CAMK2D: variants seen among roughly 807,000 people sequenced by gnomAD.
CAMK2D encodes calcium/calmodulin-dependent protein kinase type II subunit delta.
CAMK2D carries 37 observed loss-of-function variants against 84.0 expected under a neutral mutation model. That is an observed-to-expected ratio of 0.44 (90% confidence interval 0.34 to 0.58). CAMK2D has a LOEUF of 0.58. Ranked by LOEUF, CAMK2D falls within the 20% of genes least tolerant of loss-of-function variation. The pLI is 0.02. For synonymous variants in CAMK2D, 202 were observed against 212.5 expected (o/e 0.95, Z 0.43); for missense variants, 448 against 652.5 (o/e 0.69, Z 3.41).
intron 4 of CAMK2D, among the ~76,000 whole-genome samples, chr4:113,590,776 TG>T (rs2098871432): frequency 6.6e-6 from 1 of 152,172 alleles, no homozygotes; most frequent in South Asian, 2.1e-4. Context: ...TTAAAATAAC[TG>T]GGACAGAATA....
At chr4:113,636,262 C>T (rs1330403541) in intron 3 of CAMK2D, among the ~76,000 whole-genome samples, 2 of 152,192 alleles carry the variant, frequency 1.3e-5, no homozygotes, top group African/African-American at 4.8e-5. Flanking sequence ...TCCAATCCAC[C>T]AGTACATTCA....
chr4:113,492,108 A>AT (rs1210692451), intron 16 of CAMK2D, among the ~76,000 whole-genome samples: 1 of 151,950 alleles, frequency 6.6e-6, no homozygotes, highest in East Asian at 1.9e-4. Context: ...GGATTCATTA[A>AT]TTTTTTAAAG....
intron 15 of CAMK2D, among the ~76,000 whole-genome samples, chr4:113,501,672 A>G (rs922177021): frequency 3.3e-5 from 5 of 152,148 alleles, no homozygotes; most frequent in Non-Finnish European, 7.4e-5. Context: ...CCTAGTATTC[A>G]AATGTAAGCT....
intron 2 of CAMK2D, among the ~76,000 whole-genome samples, chr4:113,715,071 CT>C (rs1329527132): frequency 1.3e-5 from 2 of 152,018 alleles, no homozygotes; most frequent in African/African-American, 4.8e-5. Context: ...CTTCTACAAC[CT>C]TTATTAGATT....
At chr4:113,548,843 A>C (rs2098602726) in intron 5 of CAMK2D, 3 of 569,374 alleles carry the variant, frequency 5.3e-6, no homozygotes, top group Non-Finnish European at 6.2e-6. Context: ...CAAAAATTAT[A>C]TTTCTTCACT....
At chr4:113,659,238 A>T (rs1561654830) in intron 3 of CAMK2D, among the ~76,000 whole-genome samples, 1 of 152,226 alleles carries the variant, frequency 6.6e-6, no homozygotes, top group Non-Finnish European at 1.5e-5. Context: ...AACAAATAAC[A>T]ACTTTCTGCA....
chr4:113,600,548 T>G (rs1306257058), intron 4 of CAMK2D, among the ~76,000 whole-genome samples: 1 of 152,144 alleles, frequency 6.6e-6, no homozygotes, highest in Non-Finnish European at 1.5e-5. Flanking sequence ...TTATCTAACT[T>G]CATGAAGATG....
chr4:113,603,201 T>C (rs1361231095), intron 4 of CAMK2D, among the ~76,000 whole-genome samples: 1 of 149,456 alleles, frequency 6.7e-6, no homozygotes, highest in African/African-American at 2.6e-5. Flanking sequence ...GACTTTGCGT[T>C]ATTTTATTTT....
intron 3 of CAMK2D, among the ~76,000 whole-genome samples, chr4:113,624,344 T>C (rs145907624): frequency 6.0e-4 from 92 of 152,330 alleles, no homozygotes; most frequent in African/African-American, 2.1e-3. Flanking sequence ...TTGAATCTTT[T>C]CAATCACCTT....
chr4:113,520,687 A>G (rs567790031), intron 8 of CAMK2D, among the ~76,000 whole-genome samples: 11 of 152,204 alleles, frequency 7.2e-5, no homozygotes, highest in Non-Finnish European at 1.3e-4. Context: ...CTCTCATGAC[A>G]CTAGCAGCCT....
chr4:113,718,473 C>G lies in CAMK2D; in HGVS notation c.160+40847G>C, dbSNP rs547864189. On this transcript the variant is annotated intron_variant, in intron 2 of 20. Transcript: ENST00000511664. ...TCAGTGCAGGGTCTGCAAAATATCT[C>G]AAACTATGATCTTAGGTTTTACAAT... Among the ~76,000 whole-genome samples the G allele has an allele frequency of 3.4e-4, 51 of 152,234 alleles. 1 individual carries two copies. Among genetic ancestry groups the G allele is most frequent in the African/African-American group, 1.2e-3 (50 of 41,564 alleles).
chr4:113,508,161 A>G (rs1467896760), intron 13 of CAMK2D: 1 of 1,064,074 alleles, frequency 9.4e-7, no homozygotes, highest in Non-Finnish European at 1.4e-6. Context: ...TACTTACACT[A>G]TCTTAGGTAA....
chr4:113,736,436 A>G (rs999918775), intron 2 of CAMK2D, among the ~76,000 whole-genome samples: 2 of 152,224 alleles, frequency 1.3e-5, no homozygotes, highest in African/African-American at 4.8e-5. Flanking sequence ...ACTTACTACA[A>G]AAGTTAATCA....
chr4:113,671,573 C>G (rs997472937), intron 2 of CAMK2D, among the ~76,000 whole-genome samples: 4 of 152,240 alleles, frequency 2.6e-5, no homozygotes, highest in South Asian at 2.1e-4. Flanking sequence ...CAAGCATGAA[C>G]ATTTTTGAGA....
At chr4:113,477,858 G>T (rs939001196) in intron 16 of CAMK2D, among the ~76,000 whole-genome samples, 1 of 151,738 alleles carries the variant, frequency 6.6e-6, no homozygotes, top group African/African-American at 2.4e-5. Flanking sequence ...ATATATTTCA[G>T]AACCAACAAC....
chr4:113,715,064 C>T lies in CAMK2D; in HGVS notation c.160+44256G>A, dbSNP rs191094050. 1.0e-3 allele frequency among the ~76,000 whole-genome samples: 159 copies of T among 152,216 alleles called. 3 individuals are homozygous for T. The highest frequency in any genetic ancestry group is 0.01 in the Middle Eastern group (3 of 294). ...TAAAATTTTCTTCATAAAAGATCTT[C>T]TACAACCTTTATTAGATTTCTTCTC... On this transcript the variant is annotated intron_variant, in intron 2 of 20. Coordinates refer to ENST00000511664, the MANE Select transcript of CAMK2D (RefSeq NM_001321571.2).
chr4:113,487,159 T>C (rs917855962), intron 16 of CAMK2D, among the ~76,000 whole-genome samples: 10 of 152,208 alleles, frequency 6.6e-5, no homozygotes, highest in Non-Finnish European at 1.5e-4. Context: ...TACTTTATCA[T>C]CTATCATATT....
In CAMK2D at chr4:113,599,396, C is replaced by A. The variant is rs114859498; in HGVS notation, c.275+9756G>T. On this transcript the variant is annotated intron_variant, in intron 4 of 20. Transcript: ENST00000511664. ...AAAACCTATATATGGATGTTTATAG[C>A]AGCTTTATTCATAATTGCCAAAATT... Among the ~76,000 whole-genome samples, 772 of 152,300 alleles carry A rather than the reference C, an allele frequency of 5.1e-3. 11 individuals are homozygous for A. Among genetic ancestry groups the A allele is most frequent in the African/African-American group, 0.018 (743 of 41,568 alleles).
At position 113,572,073 on chromosome 4, in the gene CAMK2D, T is replaced by TA. The variant is rs72617834; in HGVS notation, c.276-19978dup. Among the ~76,000 whole-genome samples, 1,101 of 146,078 alleles carry TA rather than the reference T, an allele frequency of 7.5e-3. 7 individuals carry two copies. Among genetic ancestry groups the TA allele is most frequent in the African/African-American group, 0.026 (1,030 of 40,140 alleles). On this transcript the variant is annotated intron_variant, in intron 4 of 20. Coordinates refer to ENST00000511664, the MANE Select transcript of CAMK2D (RefSeq NM_001321571.2). The stretch of plus-strand genomic sequence containing the variant: ...CCCTGCAACATGAAAACAGTTTTCA[T>TA]AAAAAAAAAAAGGAAGTGTTTCACT...
Sources: allele counts gnomAD v4.1 joint callset (sites outside exome capture counted in the v4.1 genomes callset), GRCh38; gene constraint gnomAD v4.1.1; transcripts MANE v1.5; gene names NCBI Gene and HGNC (gene_info 2026-07-23, HGNC 2026-07-21).